The following CACNA2D1 variants were observed in gnomAD, a reference collection of about 807,000 sequenced individuals.
CACNA2D1 encodes voltage-dependent calcium channel subunit alpha-2/delta-1.
In CACNA2D1, 53 loss-of-function variants were observed where a neutral mutation model predicts 171.5. That is an observed-to-expected ratio of 0.31 (90% CI 0.25 to 0.39). CACNA2D1 has a LOEUF of 0.39. Ranked by LOEUF, CACNA2D1 falls within the 10% of genes least tolerant of loss-of-function variation. The pLI, the probability that CACNA2D1 is intolerant of heterozygous loss-of-function variation, is 1.00. For missense variants in CACNA2D1, 903 were observed against 1,299.8 expected (o/e 0.69, Z 4.69); for synonymous variants, 442 against 443.1 (o/e 1.00, Z 0.03).
intron 9 of CACNA2D1, 38 bp downstream of exon 9, chr7:82,064,266 A>G (rs1807330212): frequency 1.5e-6 from 2 of 1,371,044 alleles, no homozygotes; most frequent in Non-Finnish European, 2.1e-6. Flanking sequence ...ATCCTCCCAT[A>G]TTCTCAATAT....
intron 3 of CACNA2D1, among the ~76,000 whole-genome samples, chr7:82,225,543 T>C (rs6948386): frequency 0.87 from 132,727 of 152,194 alleles, 58,036 homozygotes; most frequent in East Asian, 1. Context: ...TCAAGGCAAT[T>C]TATGACCCAA....
intron 3 of CACNA2D1, among the ~76,000 whole-genome samples, chr7:82,309,910 T>C (rs1384154498): frequency 2.0e-5 from 3 of 152,226 alleles, no homozygotes; most frequent in African/African-American, 7.2e-5. Context: ...TGTGTCATAG[T>C]TGCAAAATAC....
At chr7:82,354,938 C>T (rs1419182986) in intron 1 of CACNA2D1, among the ~76,000 whole-genome samples, 2 of 152,126 alleles carry the variant, frequency 1.3e-5, no homozygotes, top group Non-Finnish European at 1.5e-5. Context: ...TGTTATTATA[C>T]TGTATTCATA....
At chr7:82,274,865 T>TGAATGAAG (rs1227026613) in intron 3 of CACNA2D1, among the ~76,000 whole-genome samples, 1 of 151,922 alleles carries the variant, frequency 6.6e-6, no homozygotes, top group African/African-American at 2.4e-5. Flanking sequence ...TATGAATGAA[T>TGAATGAAG]GAATGAATGA....
intron 1 of CACNA2D1, among the ~76,000 whole-genome samples, chr7:82,409,150 T>C (rs1049730565): frequency 1.3e-5 from 2 of 152,114 alleles, no homozygotes; most frequent in Admixed American, 1.3e-4. Flanking sequence ...TGAGAACAAA[T>C]AAAAGGCCAA....
At chr7:82,330,956 T>C (rs536606268) in intron 3 of CACNA2D1, among the ~76,000 whole-genome samples, 24 of 152,224 alleles carry the variant, frequency 1.6e-4, no homozygotes, top group African/African-American at 5.3e-4. Flanking sequence ...AGCATAAGCA[T>C]TACCTTATGC....
intron 3 of CACNA2D1, among the ~76,000 whole-genome samples, chr7:82,317,900 C>A (rs899957479): frequency 1.3e-5 from 2 of 151,476 alleles, no homozygotes; most frequent in African/African-American, 2.4e-5. Context: ...GAATGAAAAT[C>A]CGAAGAGAGT....
chr7:82,089,231 A>T (rs1005134342), intron 6 of CACNA2D1, among the ~76,000 whole-genome samples: 1 of 152,144 alleles, frequency 6.6e-6, no homozygotes, highest in African/African-American at 2.4e-5. Flanking sequence ...TTAGAAGTAC[A>T]TGAGTGTTCA....
chr7:81,962,833 ATT>A (rs958635007), intron 34 of CACNA2D1, among the ~76,000 whole-genome samples: 4 of 152,038 alleles, frequency 2.6e-5, no homozygotes, highest in Non-Finnish European at 4.4e-5. Context: ...ACGTCTCCTT[ATT>A]TTAGTTTTTA....
At chr7:82,163,691 T>C (rs1795166915) in intron 4 of CACNA2D1, among the ~76,000 whole-genome samples, 1 of 152,000 alleles carries the variant, frequency 6.6e-6, no homozygotes, top group Non-Finnish European at 1.5e-5. Flanking sequence ...CATTTTTGCA[T>C]AGAGCACATT....
At chr7:81,994,976 C>A (rs1475663624) in intron 19 of CACNA2D1, 37 bp from the exon 20 acceptor site, 2 of 1,000,170 alleles carry the variant, frequency 2.0e-6, no homozygotes, top group East Asian at 2.4e-5. Context: ...ATTCCAGAAA[C>A]AAAGCTGACC....
intron 3 of CACNA2D1, among the ~76,000 whole-genome samples, chr7:82,308,609 T>G (rs2129431426): frequency 6.6e-6 from 1 of 152,328 alleles, no homozygotes; most frequent in Non-Finnish European, 1.5e-5. Context: ...AAAAAAGATT[T>G]ACACCTATAA....
chr7:82,135,976 A>G (rs1791554632), intron 5 of CACNA2D1, among the ~76,000 whole-genome samples: 1 of 152,192 alleles, frequency 6.6e-6, no homozygotes, highest in African/African-American at 2.4e-5. Flanking sequence ...ATTAAGTGTA[A>G]CCTTTATTAG....
intron 3 of CACNA2D1, among the ~76,000 whole-genome samples, chr7:82,312,509 CT>C (rs557443177): frequency 0.21 from 25,077 of 118,242 alleles, 1,860 homozygotes; most frequent in African/African-American, 0.35. Flanking sequence ...TTAACTGAAA[CT>C]TTTTTTTTTT....
At chr7:81,984,201 C>T (rs1159471929) in intron 22 of CACNA2D1, among the ~76,000 whole-genome samples, 2 of 151,828 alleles carry the variant, frequency 1.3e-5, no homozygotes, top group East Asian at 3.9e-4. Flanking sequence ...ATTATTCTGG[C>T]CAAATGCAAA....
chr7:82,107,831 G>A (rs1220342470), intron 6 of CACNA2D1, among the ~76,000 whole-genome samples: 2 of 152,090 alleles, frequency 1.3e-5, no homozygotes, highest in African/African-American at 2.4e-5. Context: ...TGATCCGCCC[G>A]CCTCTGCCTC....
intron 1 of CACNA2D1, among the ~76,000 whole-genome samples, chr7:82,393,534 A>G (rs1825430120): frequency 6.6e-6 from 1 of 152,256 alleles, no homozygotes; most frequent in South Asian, 2.1e-4. Flanking sequence ...ATGTAATAGC[A>G]GATATAAAAG....
chr7:82,325,792 C>T (rs1268714874), intron 3 of CACNA2D1, among the ~76,000 whole-genome samples: 1 of 152,234 alleles, frequency 6.6e-6, no homozygotes, highest in Non-Finnish European at 1.5e-5. Flanking sequence ...AGCAGGTCCT[C>T]GAATAATGTC....
chr7:82,271,081 C>T (rs1808561640), intron 3 of CACNA2D1, among the ~76,000 whole-genome samples: 1 of 152,060 alleles, frequency 6.6e-6, no homozygotes, highest in South Asian at 2.1e-4. Flanking sequence ...CAGGCCTCTG[C>T]TCTGGCTTTT....
Sources: allele counts gnomAD v4.1 joint callset (sites outside exome capture counted in the v4.1 genomes callset), GRCh38; gene constraint gnomAD v4.1.1; transcripts MANE v1.5; gene names NCBI Gene and HGNC (gene_info 2026-07-23, HGNC 2026-07-21).